Variants in RBM45 observed in about 807,000 individuals in gnomAD.
RBM45 encodes RNA-binding protein 45.
Under a neutral mutation model 58.5 loss-of-function variants are expected in RBM45, and 39 were observed. That is an observed-to-expected ratio of 0.67 (90% CI 0.52 to 0.87). The LOEUF is 0.87. Among genes scored for constraint, RBM45 ranks in the 40% least tolerant of loss-of-function variants. The pLI is 0.00. For synonymous variants in RBM45, 193 were observed against 203.0 expected, an observed-to-expected ratio of 0.95 and a Z score of 0.42; for missense variants, 481 against 581.6, an observed-to-expected ratio of 0.83 and a Z score of 1.78.
chr2:178,119,112 C>G (rs1433796707), intron 3 of RBM45, among the ~76,000 whole-genome samples: 1 of 151,982 alleles, frequency 6.6e-6, no homozygotes, highest in African/African-American at 2.4e-5. Flanking sequence ...AAGAAGTATG[C>G]CTTATTTGTC....
chr2:178,113,020 G>A (rs952999773), intron 1 of RBM45, among the ~76,000 whole-genome samples, 174 bp downstream of exon 1: 2 of 152,180 alleles, frequency 1.3e-5, no homozygotes, highest in Non-Finnish European at 2.9e-5. Flanking sequence ...CCCCTCCCAC[G>A]AAGCTGCGCC....
chr2:178,128,486 A>G (rs2366366), intron 9 of RBM45, among the ~76,000 whole-genome samples: 49,178 of 152,158 alleles, frequency 0.32, 9,634 homozygotes, highest in East Asian at 0.57. Context: ...AACTAAAAGT[A>G]TAATGATATA....
chr2:178,113,156 C>T (rs2087728231), intron 1 of RBM45, among the ~76,000 whole-genome samples: 1 of 152,220 alleles, frequency 6.6e-6, no homozygotes, highest in Admixed American at 6.5e-5. Flanking sequence ...CACTAATCCA[C>T]CAGCTCTTGA....
chr2:178,122,636 T>C (rs1275296427), intron 5 of RBM45, among the ~76,000 whole-genome samples: 1 of 152,160 alleles, frequency 6.6e-6, no homozygotes. Context: ...CAAAATGTAT[T>C]TGTTCCTGTA....
intron 3 of RBM45, 145 bp from the exon 4 acceptor site, chr2:178,120,142 G>C (rs914552686): frequency 2.1e-6 from 2 of 960,514 alleles, no homozygotes; most frequent in African/African-American, 3.3e-5. Flanking sequence ...AGAAAGCAAA[G>C]AAGTAGGTCT....
chr2:178,126,795 C>T (rs116199596), intron 9 of RBM45, among the ~76,000 whole-genome samples: 3,986 of 152,194 alleles, frequency 0.026, 88 homozygotes, highest in Non-Finnish European at 0.038. Context: ...TTACCAAAAA[C>T]TCTTTATTGT....
chr2:178,118,177 T>G lies in RBM45; in HGVS notation c.546T>G (p.Asp182Glu). 1.9e-6 allele frequency: 3 copies of G among 1,611,322 alleles called. No homozygotes were observed. Among genetic ancestry groups the G allele is most frequent in the Non-Finnish European group, 2.5e-6 (3 of 1,178,706 alleles). Reference protein sequence around the residue: ...SQAAQAIENCDRSFRAILAEP... With the variant: ...SQAAQAIENCERSFRAILAEP... ...CTGCCCAAGCAATAGAAAACTGTGA[T>G]CGAAGTAAGGATGTGTTTAACATTG... The change falls in exon 3 of 10, where the codon GAT becomes GAG. Residue 182 changes from aspartate (D) to glutamate (E), a missense_variant. Coordinates refer to ENST00000286070, the MANE Select transcript of RBM45 (RefSeq NM_152945.4).
At position 178,112,593 on chromosome 2, in the gene RBM45, G is replaced by T; in HGVS notation, c.47G>T (p.Gly16Val). 1 of 1,612,694 alleles carries T rather than the reference G, an allele frequency of 6.2e-7. No homozygotes were observed. The highest frequency in any genetic ancestry group is 8.5e-7 in the Non-Finnish European group (1 of 1,179,722). Residue 16 changes from glycine to valine, a missense_variant, in exon 1 of 10, where the codon GGC (glycine) becomes GTC (valine). By Grantham distance (109) the Gly-to-Val change is moderately radical (BLOSUM62 -3). Transcript: ENST00000286070. The stretch of plus-strand genomic sequence containing the variant: ...GCGAGCGGCGGGGGCTTCCGCCCGG[G>T]CGTGGACAGCCTGGACGAACCGCCC... ...SSASGGGFRP[G>V]VDSLDEPPNS...
intron 5 of RBM45, among the ~76,000 whole-genome samples, chr2:178,122,283 G>T (rs1361947524): frequency 6.6e-6 from 1 of 152,098 alleles, no homozygotes; most frequent in Non-Finnish European, 1.5e-5. Context: ...ATCATACTTG[G>T]TTGGCATCTC....
chr2:178,120,962 G>A (rs1007568500), intron 4 of RBM45: 3 of 368,508 alleles, frequency 8.1e-6, no homozygotes, highest in Non-Finnish European at 9.6e-6. Flanking sequence ...ATTAGACTAT[G>A]CATTTCTTCT....
rs777542667 is a variant in RBM45, at chr2:178,124,202, G to C, written c.1144G>C (p.Ala382Pro). 6.2e-7 allele frequency: 1 copy of C among 1,609,040 alleles called. No homozygotes were observed. The highest frequency in any genetic ancestry group is 1.7e-5 in the Admixed American group (1 of 59,678). ...TGTACTTCCATCATGCAAAAAAAAAGCTCCTGCTGAAACTCCTGTGAAAGA... is the reference window on the plus strand; with the variant it reads ...TGTACTTCCATCATGCAAAAAAAAACCTCCTGCTGAAACTCCTGTGAAAGA... ...DVVLPSCKKK[A>P]PAETPVKERL... The change falls in exon 8 of 10, where the codon GCT (alanine) becomes CCT (proline). Residue 382 changes from alanine to proline, a missense_variant. Ala to Pro is a conservative substitution (Grantham distance 27, BLOSUM62 -1). Transcript: ENST00000286070.
In RBM45 at chr2:178,124,270, C is replaced by A; in HGVS notation, c.1212C>A (p.Asp404Glu). 6.4e-7 allele frequency: 1 copy of A among 1,563,722 alleles called. No individual in the cohort carries two copies. ...IVFNPHPLPL[D>E]VLEDIFCRFG... Reference sequence around the variant, plus strand: ...TTAATCCTCATCCTTTACCTTTAGACGTATTAGAAGATATATTCTGGTAAG... The same window carrying A: ...TTAATCCTCATCCTTTACCTTTAGAAGTATTAGAAGATATATTCTGGTAAG... The change falls in exon 8 of 10, where the codon GAC becomes GAA. Residue 404 changes from aspartate to glutamate, a missense_variant. Transcript: ENST00000286070.
At chr2:178,118,684 G>T in intron 3 of RBM45, among the ~76,000 whole-genome samples, 1 of 152,068 alleles carries the variant, frequency 6.6e-6, no homozygotes. Flanking sequence ...TTCTGATGTT[G>T]CTGTATATAT....
rs111839337 is a variant in RBM45, at chr2:178,123,776, TAA to T, written c.984-49_984-48del. Reference sequence around the variant, plus strand: ...AAAGTCACACAAAACAAGCTACTGTTAAAAGACTGAATATTTTTAGTTTTCTG... The same window carrying T: ...AAAGTCACACAAAACAAGCTACTGTTAAGACTGAATATTTTTAGTTTTCTG... On this transcript the variant is annotated intron_variant, in intron 6 of 9. Transcript: ENST00000286070. 369 of 1,605,166 alleles carry T rather than the reference TAA, an allele frequency of 2.3e-4. No homozygotes were observed. In the African/African-American group the frequency reaches 4.2e-3, roughly 18 times the overall value.
chr2:178,136,915 T>C (rs1239352903), exon 4 of RBM45: 2 of 152,164 alleles, frequency 1.3e-5, no homozygotes, highest in Non-Finnish European at 2.9e-5. Context: ...GATAAACTCA[T>C]TGTGAAATAA....
At chr2:178,114,857 A>T (rs1464984218) in intron 1 of RBM45, among the ~76,000 whole-genome samples, 22 of 152,080 alleles carry the variant, frequency 1.4e-4, no homozygotes. Flanking sequence ...TCATCCTCCC[A>T]TTACAGTTGT....
chr2:178,125,714 CAG>C (rs2087920092), intron 8 of RBM45: 1 of 604,334 alleles, frequency 1.7e-6, no homozygotes, highest in Non-Finnish European at 3.2e-6. Flanking sequence ...ACTCAGAAGA[CAG>C]AGTGAAAAAT....
intron 5 of RBM45, 53 bp downstream of exon 5, chr2:178,121,412 ACACAC>A: frequency 1.9e-6 from 1 of 512,836 alleles, no homozygotes; most frequent in Non-Finnish European, 2.9e-6. Flanking sequence ...ATACACACAC[ACACAC>A]ACACACACAC....
chr2:178,124,313 T>C, intron 8 of RBM45, 23 bp downstream of exon 8: 2 of 1,419,922 alleles, frequency 1.4e-6, no homozygotes, highest in Non-Finnish European at 1.9e-6. Flanking sequence ...CATTTTTTGT[T>C]ATATTTTATT....
Sources: gnomAD v4.1 joint callset for allele counts (sites outside exome capture counted in the v4.1 genomes callset) on GRCh38, gnomAD v4.1.1 for gene constraint, MANE v1.5 for transcripts, NCBI Gene and HGNC (gene_info 2026-07-23, HGNC 2026-07-21) for gene names.